The following HIPK2 variants were observed in gnomAD, a reference collection of about 807,000 sequenced individuals.
HIPK2 encodes the protein homeodomain-interacting protein kinase 2.
HIPK2 carries 27 observed loss-of-function variants against 113.7 expected under a neutral mutation model. That is an observed-to-expected ratio of 0.24 (90% CI 0.17 to 0.33). HIPK2 has a LOEUF of 0.33. Ranked by LOEUF, HIPK2 falls within the 10% of genes least tolerant of loss-of-function variation. The pLI is 1.00. For missense variants in HIPK2, 1,257 were observed against 1,588.0 expected (o/e 0.79, Z 3.54); for synonymous variants, 631 against 642.2 (o/e 0.98, Z 0.26).
intron 5 of HIPK2, among the ~76,000 whole-genome samples, chr7:139,627,384 C>T (rs1410619969): frequency 2.6e-5 from 4 of 151,982 alleles, no homozygotes; most frequent in African/African-American, 7.2e-5. Context: ...TGAGTGTGCC[C>T]GTCCTCCACC....
rs1050533820 is a variant in HIPK2 at position 139,717,735 on chromosome 7, T to TG, written c.20-721_20-720insC. ...GAAAGTACTATTTCTTTTTGTTTTT[T>TG]TTTGTTTGTTTGTTTGTTTTTGTTT... On this transcript the variant is annotated intron_variant, in intron 1 of 14. Coordinates refer to ENST00000406875, the MANE Select transcript of HIPK2 (RefSeq NM_022740.5). 1.8e-3 allele frequency among the ~76,000 whole-genome samples: 269 copies of TG among 151,342 alleles called. 2 individuals are homozygous for TG. Among genetic ancestry groups the TG allele is most frequent in the African/African-American group, 6.0e-3 (246 of 40,670 alleles).
intron 9 of HIPK2, among the ~76,000 whole-genome samples, chr7:139,604,641 G>C (rs1379068376): frequency 2.2e-5 from 3 of 134,018 alleles, no homozygotes; most frequent in African/African-American, 8.6e-5. Flanking sequence ...CCGAGATGGC[G>C]CCACTGCACT....
chr7:139,618,513 T>C (rs1800132306), intron 7 of HIPK2, among the ~76,000 whole-genome samples: 2 of 152,212 alleles, frequency 1.3e-5, no homozygotes, highest in Admixed American at 6.5e-5. Context: ...AAGCCAGATC[T>C]GGATGGTCTC....
chr7:139,596,501 C>G (rs771811378), intron 12 of HIPK2, among the ~76,000 whole-genome samples: 1 of 152,178 alleles, frequency 6.6e-6, no homozygotes, highest in Non-Finnish European at 1.5e-5. Flanking sequence ...TCTTTTAAGA[C>G]CAACATGATT....
rs577868106 is a variant in HIPK2 at position 139,650,481 on chromosome 7, A to T, written c.1104-18756T>A. On this transcript the variant is annotated intron_variant, in intron 2 of 14. Coordinates refer to ENST00000406875, the MANE Select transcript of HIPK2 (RefSeq NM_022740.5). Reference sequence around the variant, plus strand: ...TTCCCTTCGGGTTTTTTTTTTTTTTAAACTATTCTCAGGGTTGGACCATTT... The same window carrying T: ...TTCCCTTCGGGTTTTTTTTTTTTTTTAACTATTCTCAGGGTTGGACCATTT... 3.3e-4 allele frequency among the ~76,000 whole-genome samples: 47 copies of T among 142,590 alleles called. No homozygotes were observed. In the South Asian group the frequency reaches 3.8e-3, roughly 11 times the overall value. The allele number at this position is 142,590 out of a possible 152,430, so 93.5% of individuals were successfully genotyped here.
At chr7:139,706,444 A>G (rs762363360) in intron 2 of HIPK2, among the ~76,000 whole-genome samples, 1 of 152,206 alleles carries the variant, frequency 6.6e-6, no homozygotes, top group Non-Finnish European at 1.5e-5. Flanking sequence ...CTGAGCTACA[A>G]GGCATGGGAT....
At chr7:139,642,586 A>T (rs1008129177) in intron 2 of HIPK2, among the ~76,000 whole-genome samples, 8 of 152,204 alleles carry the variant, frequency 5.3e-5, no homozygotes, top group Non-Finnish European at 1.5e-5. Context: ...CCAAGTGGAG[A>T]TGTAGATGGC....
chr7:139,666,239 A>G (rs1802045472), intron 2 of HIPK2, among the ~76,000 whole-genome samples: 2 of 152,206 alleles, frequency 1.3e-5, no homozygotes, highest in Admixed American at 1.3e-4. Context: ...AGTGTTTAAA[A>G]AAAAAATCAC....
intron 2 of HIPK2, among the ~76,000 whole-genome samples, chr7:139,671,820 T>TTA (rs769079252): frequency 2.0e-5 from 3 of 152,190 alleles, no homozygotes; most frequent in Non-Finnish European, 4.4e-5. Flanking sequence ...AGTGCTGGGA[T>TTA]TATAGGTGTG....
chr7:139,775,825 G>A (rs951181635), intron 1 of HIPK2, among the ~76,000 whole-genome samples: 2 of 152,140 alleles, frequency 1.3e-5, no homozygotes, highest in African/African-American at 4.8e-5. Context: ...GGAGCAGGAG[G>A]AGAACAGTGC....
Position 139,613,157 on chromosome 7 carries a change from C to T in HIPK2, c.2112+45G>A. 2 of 1,608,082 alleles carry T rather than the reference C, an allele frequency of 1.2e-6. No individual in the cohort carries two copies. Among genetic ancestry groups the T allele is most frequent in the Non-Finnish European group, 1.7e-6 (2 of 1,176,310 alleles). ...ATATATCTTTTGTGAACAACATTAA[C>T]ACAGGTAATGGTAATACCAGTAATA... On this transcript the variant is annotated intron_variant, in intron 9 of 14. Coordinates refer to ENST00000406875, the MANE Select transcript of HIPK2 (RefSeq NM_022740.5). This position sits in a 1 kb window ranked among gnomAD's most constrained non-coding sequence, Gnocchi z 4.2.
chr7:139,692,890 TGGGGCTAG>T (rs1794448456), intron 2 of HIPK2, among the ~76,000 whole-genome samples: 1 of 152,234 alleles, frequency 6.6e-6, no homozygotes, highest in South Asian at 2.1e-4. Flanking sequence ...ATGCCCAGCT[TGGGGCTAG>T]AAGCCAGGTC....
intron 2 of HIPK2, among the ~76,000 whole-genome samples, chr7:139,674,995 T>C (rs1802446225): frequency 6.6e-6 from 1 of 152,196 alleles, no homozygotes; most frequent in Non-Finnish European, 1.5e-5. Flanking sequence ...GTAAGGCTAA[T>C]GCTGGGAAAC....
chr7:139,667,703 A>T (rs1022782953), intron 2 of HIPK2, among the ~76,000 whole-genome samples: 8 of 152,232 alleles, frequency 5.3e-5, no homozygotes, highest in Admixed American at 3.9e-4. Flanking sequence ...ATATTTGTAC[A>T]TTTGTATAAT....
intron 1 of HIPK2, among the ~76,000 whole-genome samples, chr7:139,742,451 A>C (rs1227930667): frequency 6.6e-6 from 1 of 152,234 alleles, no homozygotes; most frequent in Middle Eastern, 3.2e-3. Flanking sequence ...GTGGATCTCC[A>C]AGAGGGATAT....
At chr7:139,733,224 T>G (rs925320974) in intron 1 of HIPK2, among the ~76,000 whole-genome samples, 1 of 152,150 alleles carries the variant, frequency 6.6e-6, no homozygotes, top group Non-Finnish European at 1.5e-5. Context: ...TAAACCTCTT[T>G]TCTTTATAAA....
intron 2 of HIPK2, among the ~76,000 whole-genome samples, chr7:139,645,505 G>A (rs1048871079): frequency 6.6e-6 from 1 of 152,156 alleles, no homozygotes; most frequent in Non-Finnish European, 1.5e-5. Flanking sequence ...ACTGCACTGT[G>A]TGTTAGGTGG....
chr7:139,776,260 A>C (rs1350612992), intron 1 of HIPK2, among the ~76,000 whole-genome samples: 1 of 151,740 alleles, frequency 6.6e-6, no homozygotes, highest in Non-Finnish European at 1.5e-5. Flanking sequence ...GTTGCCTTCT[A>C]AACAGCCCCT....
intron 12 of HIPK2, 98 bp downstream of exon 12, chr7:139,596,619 G>C: frequency 6.7e-7 from 1 of 1,486,420 alleles, no homozygotes; most frequent in Non-Finnish European, 9.2e-7. Flanking sequence ...GGTCAGAAGA[G>C]AGGGATCCTT....
Sources: allele counts gnomAD v4.1 joint callset (sites outside exome capture counted in the v4.1 genomes callset), GRCh38; gene constraint gnomAD v4.1.1; non-coding constraint Gnocchi (gnomAD v3.1); transcripts MANE v1.5; gene names NCBI Gene and HGNC (gene_info 2026-07-23, HGNC 2026-07-21).